The following EPB41L3 variants were observed in gnomAD, a reference collection of about 807,000 sequenced individuals.
The protein encoded by EPB41L3 is band 4.1-like protein 3.
EPB41L3 carries 57 observed loss-of-function variants against 127.1 expected under a neutral mutation model. That is an observed-to-expected ratio of 0.45 (90% CI 0.36 to 0.56). EPB41L3 has a LOEUF of 0.56. EPB41L3 is among the 20% of genes least tolerant of loss of function. The probability of loss-of-function intolerance (pLI) is 0.00; values close to 1 mark genes in which losing one functional copy is unlikely to be tolerated. For synonymous variants in EPB41L3, 572 were observed against 549.5 expected, an observed-to-expected ratio of 1.04 and a Z score of -0.57; for missense variants, 1,273 against 1,372.2, an observed-to-expected ratio of 0.93 and a Z score of 1.14.
chr18:5,403,502 T>G (rs950735709), intron 16 of EPB41L3, among the ~76,000 whole-genome samples: 52 of 150,076 alleles, frequency 3.5e-4, no homozygotes, highest in African/African-American at 1.1e-3. Context: ...CTACTATAGA[T>G]ACAACAGTAT....
chr18:5,399,017 C>T (rs2074059520), intron 16 of EPB41L3: 1 of 399,098 alleles, frequency 2.5e-6, no homozygotes. Context: ...CATATTCTGC[C>T]AGGCCGGGAA....
chr18:5,457,534 T>C lies in EPB41L3; in HGVS notation c.382-12290A>G, dbSNP rs140413811. Among the ~76,000 whole-genome samples the C allele has an allele frequency of 3.2e-3, 483 of 152,040 alleles. 3 individuals carry two copies. Among genetic ancestry groups the C allele is most frequent in the African/African-American group, 0.011 (450 of 41,480 alleles). Reference sequence around the variant, plus strand: ...CTTATTTTAACTTCTGTTTTTACCATTGAAAAAGAAAAAAACACACACACA... The same window carrying C: ...CTTATTTTAACTTCTGTTTTTACCACTGAAAAAGAAAAAAACACACACACA... On this transcript the variant is annotated intron_variant, in intron 3 of 22. Transcript: ENST00000341928.
At chr18:5,448,534 T>C (rs898166898) in intron 3 of EPB41L3, among the ~76,000 whole-genome samples, 1 of 152,172 alleles carries the variant, frequency 6.6e-6, no homozygotes, top group Non-Finnish European at 1.5e-5. Context: ...CCAAAAGACA[T>C]GTTGTTCTTT....
intron 1 of EPB41L3, among the ~76,000 whole-genome samples, chr18:5,625,646 T>G (rs1222010423): frequency 6.6e-6 from 1 of 152,090 alleles, no homozygotes; most frequent in Admixed American, 6.5e-5. Flanking sequence ...CAATAATGCA[T>G]CCAGCCAACC....
At chr18:5,470,684 A>G (rs568145944) in intron 3 of EPB41L3, among the ~76,000 whole-genome samples, 1 of 152,336 alleles carries the variant, frequency 6.6e-6, no homozygotes, top group East Asian at 1.9e-4. Flanking sequence ...CTTGTCTCCT[A>G]CCTCGTTGAA....
chr18:5,433,029 T>G (rs1467233647), intron 8 of EPB41L3, among the ~76,000 whole-genome samples: 2 of 152,034 alleles, frequency 1.3e-5, no homozygotes, highest in South Asian at 4.2e-4. Flanking sequence ...GACAGACAGA[T>G]AGGAAAGAGG....
At chr18:5,417,757 G>A (rs1325382255) in intron 12 of EPB41L3, among the ~76,000 whole-genome samples, 1 of 152,230 alleles carries the variant, frequency 6.6e-6, no homozygotes, top group Non-Finnish European at 1.5e-5. Context: ...TTTACGATGA[G>A]AGAAGTATGT....
At chr18:5,573,138 T>G (rs932877279) in intron 3 of EPB41L3, among the ~76,000 whole-genome samples, 1 of 152,144 alleles carries the variant, frequency 6.6e-6, no homozygotes, top group African/African-American at 2.4e-5. Context: ...AAGGGTGACA[T>G]TTAAAATCCT....
At chr18:5,431,175 A>G (rs1290889389) in intron 8 of EPB41L3, 1 of 152,216 alleles carries the variant, frequency 6.6e-6, no homozygotes, top group East Asian at 1.9e-4. Context: ...TGTACAAAGA[A>G]AAAACAAAGC....
At chr18:5,518,666 T>G (rs1312450654) in intron 1 of EPB41L3, 3 of 152,098 alleles carry the variant, frequency 2.0e-5, no homozygotes, top group African/African-American at 4.8e-5. Context: ...AATAATGTAT[T>G]TTATACTATT....
Position 5,416,306 on chromosome 18 carries a change from C to A in EPB41L3, c.1579G>T (p.Glu527Ter), listed in dbSNP as rs2144756245. 6.2e-7 allele frequency: 1 copy of A among 1,613,980 alleles called. No individual in the cohort carries two copies. The highest frequency in any genetic ancestry group is 2.2e-5 in the East Asian group (1 of 44,868). The change falls in exon 13 of 23, where the codon GAG (glutamate) becomes TAG (stop). Residue 527 changes from glutamate to a stop codon, truncating the protein, a stop_gained. Coordinates refer to ENST00000341928, the MANE Select transcript of EPB41L3 (RefSeq NM_012307.5). LOFTEE classifies it high-confidence loss of function. ...STHCAPTSPT[E>*]LRRRCKENDC... is the part of the protein sequence containing the mutation. The stretch of plus-strand genomic sequence containing the variant: ...TTCTCCTTACACCTCCTACGGAGCT[C>A]TGTGGGAGATGTGGGGGCACAATGG...
At chr18:5,510,124 AT>A (rs1250157907) in intron 1 of EPB41L3, among the ~76,000 whole-genome samples, 1 of 152,168 alleles carries the variant, frequency 6.6e-6, no homozygotes, top group Admixed American at 6.5e-5. Context: ...ACGTACTGTG[AT>A]TTTGTTATAA....
intron 16 of EPB41L3, among the ~76,000 whole-genome samples, chr18:5,405,730 C>A (rs2075267711): frequency 1.3e-5 from 2 of 150,760 alleles, no homozygotes; most frequent in Non-Finnish European, 1.5e-5. Context: ...AGGCGGAGGT[C>A]ACACCACTGC....
chr18:5,619,392 A>C (rs980449446), intron 1 of EPB41L3, among the ~76,000 whole-genome samples: 2 of 151,928 alleles, frequency 1.3e-5, no homozygotes, highest in African/African-American at 2.4e-5. Flanking sequence ...CCTTTTCCTT[A>C]GTCTTACTAA....
chr18:5,520,084 AC>A (rs1374656661), intron 1 of EPB41L3, among the ~76,000 whole-genome samples: 2 of 152,234 alleles, frequency 1.3e-5, no homozygotes, highest in African/African-American at 4.8e-5. Context: ...GTAATCGACA[AC>A]AATTTCGAGT....
intron 3 of EPB41L3, among the ~76,000 whole-genome samples, chr18:5,584,639 G>T (rs1033460703): frequency 6.6e-6 from 1 of 152,132 alleles, no homozygotes; most frequent in Non-Finnish European, 1.5e-5. Context: ...TAAACAAAAA[G>T]ATAAAAGGAT....
chr18:5,529,925 T>C (rs1041730280), intron 1 of EPB41L3, among the ~76,000 whole-genome samples: 239 of 112,370 alleles, frequency 2.1e-3, no homozygotes, highest in Admixed American at 4.4e-3. Context: ...CATCAACTCA[T>C]ATATGTGTGT....
At chr18:5,480,344 T>C (rs1055150830) in intron 2 of EPB41L3, among the ~76,000 whole-genome samples, 1 of 152,236 alleles carries the variant, frequency 6.6e-6, no homozygotes, top group African/African-American at 2.4e-5. Flanking sequence ...ATCATAGTCA[T>C]ATGATGCGTT....
chr18:5,442,343 G>C (rs1052672467), intron 5 of EPB41L3, among the ~76,000 whole-genome samples: 2 of 152,176 alleles, frequency 1.3e-5, no homozygotes, highest in Non-Finnish European at 2.9e-5. Flanking sequence ...TTTCTGGGTA[G>C]TGGATACATC....
Sources: allele counts gnomAD v4.1 joint callset (sites outside exome capture counted in the v4.1 genomes callset), GRCh38; gene constraint gnomAD v4.1.1; transcripts MANE v1.5; gene names NCBI Gene and HGNC (gene_info 2026-07-23, HGNC 2026-07-21).